The following CASQ2 variants were observed in gnomAD, a reference collection of about 807,000 sequenced individuals.
CASQ2 encodes the protein calsequestrin 2.
CASQ2 carries 49 observed loss-of-function variants against 46.5 expected under a neutral mutation model. That is an observed-to-expected ratio of 1.05 (90% CI 0.84 to 1.34). CASQ2 has a LOEUF of 1.34. CASQ2 is among the 40% of genes most tolerant of loss of function. The pLI, the probability that CASQ2 is intolerant of heterozygous loss-of-function variation, is 0.00. For missense variants in CASQ2, 486 were observed against 481.3 expected (o/e 1.01, Z -0.09); for synonymous variants, 174 against 168.5 (o/e 1.03, Z -0.25).
intron 1 of CASQ2, among the ~76,000 whole-genome samples, chr1:115,749,415 C>T (rs9428217): frequency 0.71 from 108,136 of 152,024 alleles, 42,164 homozygotes; most frequent in Non-Finnish European, 0.88. Context: ...TCTTTTTTCC[C>T]GATTCCCTGG....
At chr1:115,723,329 C>CTATCTATCTATCTATA in intron 7 of CASQ2, among the ~76,000 whole-genome samples, 1 of 152,062 alleles carries the variant, frequency 6.6e-6, no homozygotes, top group African/African-American at 2.4e-5. Flanking sequence ...ATCTATCTAT[C>CTATCTATCTATCTATA]TATCTATCAT....
At chr1:115,723,969 G>T (rs1244980201) in intron 7 of CASQ2, among the ~76,000 whole-genome samples, 2 of 152,208 alleles carry the variant, frequency 1.3e-5, no homozygotes, top group African/African-American at 4.8e-5. Flanking sequence ...TGAAATGTTT[G>T]CTCTACCTTC....
intron 5 of CASQ2, among the ~76,000 whole-genome samples, 196 bp from the exon 6 acceptor site, chr1:115,727,318 A>G (rs991255008): frequency 3.5e-4 from 54 of 152,204 alleles, no homozygotes; most frequent in African/African-American, 1.3e-3. Flanking sequence ...TGATCAAAGA[A>G]GGAAAGATAG....
At chr1:115,732,027 C>T (rs781445820) in intron 5 of CASQ2, 9 of 152,358 alleles carry the variant, frequency 5.9e-5, no homozygotes, top group Non-Finnish European at 1.3e-4. Context: ...GATCCTCCCA[C>T]CTCAAGCCTC....
chr1:115,729,350 AC>A (rs1404793136), intron 5 of CASQ2, among the ~76,000 whole-genome samples: 11 of 150,862 alleles, frequency 7.3e-5, no homozygotes, highest in Non-Finnish European at 3.0e-5. Context: ...ACTGCGCCCG[AC>A]CCCCTCTTTC....
At chr1:115,735,601 T>A (rs966106663) in intron 4 of CASQ2, among the ~76,000 whole-genome samples, 2 of 152,230 alleles carry the variant, frequency 1.3e-5, no homozygotes, top group Non-Finnish European at 2.9e-5. Flanking sequence ...ATTTTAAGAA[T>A]GATTATTAAG....
intron 9 of CASQ2, 73 bp from the exon 10 acceptor site, chr1:115,703,068 A>C: frequency 8.4e-7 from 1 of 1,184,452 alleles, no homozygotes; most frequent in Non-Finnish European, 1.2e-6. Flanking sequence ...CCGCCGTCCC[A>C]TCACAGTAAC....
At chr1:115,708,418 G>A (rs1018654537) in intron 8 of CASQ2, among the ~76,000 whole-genome samples, 3 of 152,212 alleles carry the variant, frequency 2.0e-5, no homozygotes, top group Non-Finnish European at 4.4e-5. Context: ...TTCAATGACA[G>A]AACAGAGCCC....
At chr1:115,766,863 G>T (rs946588065) in intron 1 of CASQ2, among the ~76,000 whole-genome samples, 9 of 139,548 alleles carry the variant, frequency 6.4e-5, no homozygotes, top group Admixed American at 2.2e-4. Context: ...GGGAGCTAGA[G>T]ATGATAGATA....
chr1:115,755,816 T>G (rs968940044), intron 1 of CASQ2, among the ~76,000 whole-genome samples: 3 of 152,184 alleles, frequency 2.0e-5, no homozygotes, highest in Admixed American at 1.3e-4. Flanking sequence ...GGCTTAGATT[T>G]TATAAAGGAA....
intron 2 of CASQ2, among the ~76,000 whole-genome samples, chr1:115,744,004 C>T (rs1285715706): frequency 6.6e-6 from 1 of 150,422 alleles, no homozygotes; most frequent in African/African-American, 2.5e-5. Context: ...ATGAACTGAG[C>T]GTGGTGGCGT....
intron 2 of CASQ2, among the ~76,000 whole-genome samples, chr1:115,741,620 G>A (rs1359067774): frequency 6.6e-6 from 1 of 152,186 alleles, no homozygotes; most frequent in Non-Finnish European, 1.5e-5. Flanking sequence ...AGGATGGACA[G>A]CTTGCTTTCC....
rs187754634 is a variant in CASQ2 at position 115,754,243 on chromosome 1, G to A, written c.235-9331C>T. Among the ~76,000 whole-genome samples, 338 of 152,304 alleles carry A rather than the reference G, an allele frequency of 2.2e-3. 1 individual carries two copies. Among genetic ancestry groups the A allele is most frequent in the African/African-American group, 7.8e-3 (324 of 41,558 alleles). ...AATGAAGGGACGGCTATTTTATGGG[G>A]TTCAAGCGAGTATCGGGGGCCTCTT... On this transcript the variant is annotated intron_variant, in intron 1 of 10. Coordinates refer to ENST00000261448, the MANE Select transcript of CASQ2 (RefSeq NM_001232.4).
chr1:115,738,101 T>C, intron 4 of CASQ2, 123 bp downstream of exon 4: 1 of 759,992 alleles, frequency 1.3e-6, no homozygotes, highest in Non-Finnish European at 2.4e-6. Context: ...CAGGAAGAAT[T>C]CTAACTTCTA....
chr1:115,756,938 G>A (rs1648783861), intron 1 of CASQ2, among the ~76,000 whole-genome samples: 1 of 152,130 alleles, frequency 6.6e-6, no homozygotes, highest in African/African-American at 2.4e-5. Flanking sequence ...CTGGGTGACA[G>A]AGCGAGACTC....
chr1:115,745,140 G>A (rs1332904872), intron 1 of CASQ2, among the ~76,000 whole-genome samples: 1 of 152,178 alleles, frequency 6.6e-6, no homozygotes, highest in African/African-American at 2.4e-5. Flanking sequence ...GCAGACCTAA[G>A]ACAGAAAATT....
At chr1:115,759,160 A>G (rs978012368) in intron 1 of CASQ2, among the ~76,000 whole-genome samples, 1 of 152,218 alleles carries the variant, frequency 6.6e-6, no homozygotes, top group African/African-American at 2.4e-5. Flanking sequence ...GGGCCATTCC[A>G]TCTGCATCTT....
At chr1:115,758,014 T>C (rs959493078) in intron 1 of CASQ2, among the ~76,000 whole-genome samples, 2 of 152,354 alleles carry the variant, frequency 1.3e-5, no homozygotes, top group African/African-American at 4.8e-5. Flanking sequence ...CATAGTCTAG[T>C]TGCACAATTT....
At chr1:115,729,297 C>T (rs944621834) in intron 5 of CASQ2, among the ~76,000 whole-genome samples, 4 of 151,944 alleles carry the variant, frequency 2.6e-5, no homozygotes, top group African/African-American at 9.7e-5. Context: ...TGATCCACCT[C>T]CCCCCTCGGC....
Sources: allele counts gnomAD v4.1 joint callset (sites outside exome capture counted in the v4.1 genomes callset), GRCh38; gene constraint gnomAD v4.1.1; transcripts MANE v1.5; gene names NCBI Gene and HGNC (gene_info 2026-07-23, HGNC 2026-07-21).